MUS81: variants seen among roughly 807,000 people sequenced by gnomAD.
MUS81 encodes MUS81 structure-specific endonuclease subunit.
Under a neutral mutation model 74.2 loss-of-function variants are expected in MUS81, and 69 were observed. That is an observed-to-expected ratio of 0.93 (90% CI 0.77 to 1.14). The LOEUF is 1.14. Ranked by LOEUF, MUS81 falls within the 50% of genes most tolerant of loss-of-function variation. The pLI is 0.00. For synonymous variants in MUS81, 303 were observed against 300.6 expected (o/e 1.01, Z -0.08); for missense variants, 711 against 726.5 (o/e 0.98, Z 0.25).
At chr11:65,866,919 C>G, downstream of MUS81, 2 of 1,614,138 alleles carry the variant, frequency 1.2e-6, no homozygotes, top group Non-Finnish European at 1.7e-6. Flanking sequence ...TCCTGCTCCT[C>G]AGAAGGTGTA....
rs777908253 is a variant in MUS81 at position 65,864,495 on chromosome 11, A to C, written c.1060-2A>C. 1 of 1,613,284 alleles carries C rather than the reference A, an allele frequency of 6.2e-7. No individual in the cohort carries two copies. The highest frequency in any genetic ancestry group is 8.5e-7 in the Non-Finnish European group (1 of 1,179,222). ...CCCTGTCCACTCTGTACACTTCCCT[A>C]GTTCCGGCTGAAGCGCTGTGGTCTG... On this transcript the variant is annotated splice_acceptor_variant, in intron 10 of 15. Coordinates refer to ENST00000308110, the MANE Select transcript of MUS81 (RefSeq NM_025128.5). LOFTEE classifies it high-confidence loss of function.
intron 14 of MUS81, 39 bp downstream of exon 14, chr11:65,865,362 C>A: frequency 6.3e-7 from 1 of 1,575,738 alleles, no homozygotes; most frequent in South Asian, 1.1e-5. Flanking sequence ...TCAGCCCCTG[C>A]CCTCCATGCA....
chr11:65,860,022 T>G (rs941715386), upstream of MUS81: 6 of 267,030 alleles, frequency 2.2e-5, no homozygotes, highest in Non-Finnish European at 4.8e-5. Flanking sequence ...ACCCCCGACA[T>G]TCCGAGTTCT....
intron 6 of MUS81, 34 bp from the exon 7 acceptor site, chr11:65,863,031 A>G (rs748268016): frequency 1.9e-6 from 3 of 1,613,072 alleles, no homozygotes; most frequent in Non-Finnish European, 2.5e-6. Flanking sequence ...ATGAGTGAAG[A>G]AGGTAGAGCT....
At chr11:65,864,286 T>C in intron 10 of MUS81, 1 of 608,416 alleles carries the variant, frequency 1.6e-6, no homozygotes. Context: ...ATGGGCAGTG[T>C]TGAGAGATGG....
intron 5 of MUS81, 53 bp downstream of exon 5, chr11:65,862,332 A>G: frequency 6.2e-7 from 1 of 1,604,798 alleles, no homozygotes; most frequent in Non-Finnish European, 8.5e-7. Context: ...GGCCCACCAA[A>G]GACTGCCTTT....
downstream of MUS81, chr11:65,867,107 T>C (rs563662567): frequency 1.6e-5 from 26 of 1,612,928 alleles, no homozygotes; most frequent in Admixed American, 8.3e-5. Context: ...GGGGGACATA[T>C]ATATTGTGTC....
At chr11:65,867,468 G>C (rs1429251213), downstream of MUS81, 3 of 429,104 alleles carry the variant, frequency 7.0e-6, no homozygotes, top group Non-Finnish European at 1.3e-5. Flanking sequence ...CTCCTGCTGA[G>C]ACCCATGCAT....
rs749479231 is a variant in MUS81, at chr11:65,865,228, G to C, written c.1410G>C (p.Ser470=). The part of the protein sequence containing the change: ...NAGAIKNKAQ[S]VREVFARQLM... ...CCCTTTCCCGAACCCAGGCCCAGTC[G>C]GTGCGAGAAGTGTTTGCCCGGCAGC... Residue 470 remains serine, a synonymous_variant, in exon 14 of 16, where the codon TCG becomes TCC. Transcript: ENST00000308110. 14 of 1,614,006 alleles carry C rather than the reference G, an allele frequency of 8.7e-6. No individual in the cohort carries two copies. The East Asian group carries it at 2.9e-4, about 33-fold the overall frequency.
chr11:65,860,368 C>G (rs778828669), upstream of MUS81: 44 of 475,968 alleles, frequency 9.2e-5, no homozygotes, highest in Middle Eastern at 3.5e-4. Context: ...CAGTCCTCCC[C>G]GTCACAGGGG....
At chr11:65,864,932 GC>G in intron 12 of MUS81, 84 bp from the exon 13 acceptor site, 3 of 1,585,984 alleles carry the variant, frequency 1.9e-6, no homozygotes. Context: ...TCTCAGGCTG[GC>G]CCCCCAAGGC....
At chr11:65,862,619 G>T in intron 6 of MUS81, 90 bp downstream of exon 6, 3 of 1,233,184 alleles carry the variant, frequency 2.4e-6, no homozygotes, top group Non-Finnish European at 2.3e-6. Context: ...AGCTGATGCT[G>T]TTGAGATTGG....
chr11:65,866,244 T>G lies in MUS81; in HGVS notation c.*192T>G, dbSNP rs1859831985. 1 of 624,740 alleles carries G rather than the reference T, an allele frequency of 1.6e-6. No homozygotes were observed. The highest frequency in any genetic ancestry group is 1.8e-5 in the African/African-American group (1 of 54,226). The allele number at this position is 624,740 out of a possible 1,614,324, so 38.7% of individuals were successfully genotyped here. A position where few individuals can be genotyped will look rare whatever the true frequency, so the allele number is the denominator to read the frequency against. On this transcript the variant is annotated 3_prime_UTR_variant, in exon 16 of 16. Transcript: ENST00000308110. ...GGGATACCATCTGGTCCAGTGGTTT[T>G]TAAACAAAGCTGCTTAGCACCTGGA...
chr11:65,866,440 C>T (rs974045886), downstream of MUS81: 1 of 688,742 alleles, frequency 1.5e-6, no homozygotes, highest in East Asian at 2.7e-5. Context: ...TTGAAAACCA[C>T]TAACAGTCCA....
chr11:65,865,194 C>T, intron 13 of MUS81, 26 bp from the exon 14 acceptor site: 1 of 1,614,190 alleles, frequency 6.2e-7, no homozygotes, highest in Non-Finnish European at 8.5e-7. Context: ...CAGACCCCCA[C>T]TGATCCAGCC....
rs1170522517 is a variant in MUS81, at chr11:65,864,068, A to G, written c.1059+167A>G. 12 of 675,532 alleles carry G rather than the reference A, an allele frequency of 1.8e-5. No homozygotes were observed. The Admixed American group carries it at 2.9e-4, about 16-fold the overall frequency. The allele number at this position is 675,532 out of a possible 1,614,324, so 41.8% of individuals were successfully genotyped here. On this transcript the variant is annotated intron_variant, in intron 10 of 15. Transcript: ENST00000308110. ...GGATCAGACCCCCACAGGCCCATCC[A>G]GGCGCACAGTAGGAAGCCAGGTACC...
intron 3 of MUS81, 24 bp downstream of exon 3, chr11:65,861,459 G>C: frequency 1.3e-6 from 2 of 1,574,548 alleles, no homozygotes; most frequent in Non-Finnish European, 1.7e-6. Flanking sequence ...AAGGGGAGTG[G>C]AAGGCAAAGT....
chr11:65,861,205 A>C, intron 2 of MUS81, 103 bp downstream of exon 2: 2 of 1,580,374 alleles, frequency 1.3e-6, no homozygotes, highest in East Asian at 2.3e-5. Flanking sequence ...CTCCTGTCCC[A>C]GTTGCCGTTC....
At position 65,864,756 on chromosome 11, in the gene MUS81, A is replaced by C; in HGVS notation, c.1213A>C (p.Ile405Leu). The C allele has an allele frequency of 6.2e-7, 1 of 1,614,060 alleles. No individual in the cohort carries two copies. The highest frequency in any genetic ancestry group is 8.5e-7 in the Non-Finnish European group (1 of 1,180,008). ...DGFFVKRTAD[I>L]KESAAYLALL... is the part of the protein sequence containing the mutation. ...CTTTTTTGTGAAGCGCACAGCAGAC[A>C]TTAAGGAGTCAGCCGCCTACCTGGC... Residue 405 changes from isoleucine to leucine, a missense_variant, in exon 12 of 16, where the codon ATT (isoleucine) becomes CTT (leucine). Coordinates refer to ENST00000308110, the MANE Select transcript of MUS81 (RefSeq NM_025128.5).
Sources: gnomAD v4.1 joint callset for allele counts on GRCh38, gnomAD v4.1.1 for gene constraint, MANE v1.5 for transcripts, NCBI Gene and HGNC (gene_info 2026-07-23, HGNC 2026-07-21) for gene names.